Variants in CFAP69 observed in about 807,000 individuals in gnomAD.
The protein encoded by CFAP69 is cilia- and flagella-associated protein 69.
A neutral mutation model predicts 123.0 loss-of-function variants in CFAP69; 92 were observed. That is an observed-to-expected ratio of 0.75 (90% CI 0.63 to 0.89). The LOEUF (loss-of-function observed/expected upper bound fraction) is 0.89. Among genes scored for constraint, CFAP69 ranks in the 40% least tolerant of loss-of-function variants. The pLI is 0.00. For synonymous variants in CFAP69, 380 were observed against 364.3 expected (o/e 1.04, Z -0.49); for missense variants, 1,067 against 1,096.9 (o/e 0.97, Z 0.39).
chr7:90,252,209 G>C (rs996448163), intron 1 of CFAP69, among the ~76,000 whole-genome samples: 1 of 151,542 alleles, frequency 6.6e-6, no homozygotes, highest in Non-Finnish European at 1.5e-5. Flanking sequence ...GGTAGTGGTG[G>C]ATATCACTGC....
chr7:90,295,950 A>G (rs1231299378), intron 15 of CFAP69, among the ~76,000 whole-genome samples: 1 of 152,124 alleles, frequency 6.6e-6, no homozygotes, highest in East Asian at 1.9e-4. Context: ...TTTTGTCAGC[A>G]TCTTGGTTTT....
chr7:90,309,268 A>C lies in CFAP69; in HGVS notation c.2556A>C (p.Ala852=). ...TCTAATTTAAAAATCCTCAGAAAGC[A>C]AAAAGCCTTCAAGAAAAAGCTATAG... The part of the protein sequence containing the change: ...RTSNAKTLKK[A]KSLQEKAIEA... Residue 852 remains alanine, a synonymous_variant, in exon 22 of 23, where the codon GCA becomes GCC. Coordinates refer to ENST00000389297, the MANE Select transcript of CFAP69 (RefSeq NM_001039706.3). The C allele has an allele frequency of 6.7e-7, 1 of 1,502,912 alleles. No homozygotes were observed. The highest frequency in any genetic ancestry group is 1.3e-5 in the South Asian group (1 of 76,172). The allele number at this position is 1,502,912 out of a possible 1,614,324, so 93.1% of individuals were successfully genotyped here.
intron 12 of CFAP69, among the ~76,000 whole-genome samples, chr7:90,281,080 G>A (rs903935540): frequency 4.6e-5 from 7 of 152,160 alleles, no homozygotes; most frequent in African/African-American, 1.7e-4. Flanking sequence ...CTACTATCTG[G>A]TGAGCTTTAA....
At chr7:90,302,428 T>G (rs140032348) in intron 17 of CFAP69, 1 of 152,356 alleles carries the variant, frequency 6.6e-6, no homozygotes, top group East Asian at 1.9e-4. Flanking sequence ...CTGCCTAGGT[T>G]GTCTTCCAGG....
Position 90,265,302 on chromosome 7 carries a change from T to C in CFAP69, c.358T>C (p.Leu120=). The change falls in exon 5 of 23, where the codon TTG becomes CTG. Residue 120 remains leucine (L), a splice_region_variant and synonymous_variant. Coordinates refer to ENST00000389297, the MANE Select transcript of CFAP69 (RefSeq NM_001039706.3). The part of the protein sequence containing the change: ...SAYDIIKLCG[L]PFLKKKVSDE... ...TACAATTCTTCATTCTTATTGAAGC[T>C]TGCCATTTTTGAAAAAGAAAGTGTC... 7 of 1,604,308 alleles carry C rather than the reference T, an allele frequency of 4.4e-6. No individual in the cohort carries two copies. The highest frequency in any genetic ancestry group is 5.1e-6 in the Non-Finnish European group (6 of 1,172,258).
chr7:90,303,576 G>A (rs1250553605), intron 17 of CFAP69: 1 of 958,496 alleles, frequency 1.0e-6, no homozygotes, highest in East Asian at 1.2e-4. Flanking sequence ...TTGACCTATA[G>A]CATCATAAAA....
intron 2 of CFAP69, among the ~76,000 whole-genome samples, chr7:90,256,458 A>G (rs1281787195): frequency 6.6e-6 from 1 of 151,972 alleles, no homozygotes; most frequent in Non-Finnish European, 1.5e-5. Context: ...AGCAAACCAC[A>G]TGGCACGTGT....
intron 17 of CFAP69, 112 bp downstream of exon 17, chr7:90,300,171 T>G (rs1792576980): frequency 8.1e-7 from 1 of 1,234,544 alleles, no homozygotes; most frequent in Non-Finnish European, 1.0e-6. Flanking sequence ...AAAGTTTTTT[T>G]TTTTTTTTTA....
the CFAP69 span, chr7:90,319,804 A>T: frequency 2.5e-6 from 1 of 398,134 alleles, no homozygotes. Context: ...AAAGTTATTC[A>T]ATCACTTGAT....
chr7:90,304,642 G>A lies in CFAP69; in HGVS notation c.2189-102G>A, dbSNP rs1006376196. 1.3e-5 allele frequency: 18 copies of A among 1,382,642 alleles called. No homozygotes were observed. In the African/African-American group the frequency reaches 3.1e-4, roughly 24 times the overall value. The allele number at this position is 1,382,642 out of a possible 1,614,324, so 85.6% of individuals were successfully genotyped here. On this transcript the variant is annotated intron_variant, in intron 18 of 22. Coordinates refer to ENST00000389297, the MANE Select transcript of CFAP69 (RefSeq NM_001039706.3). ...GTAACTTTGCATTTGTTTTTAGATA[G>A]GTAGATAGATAGATAGATAGATAGA...
At chr7:90,300,298 AC>A in intron 17 of CFAP69, 2 of 831,030 alleles carry the variant, frequency 2.4e-6, no homozygotes, top group Non-Finnish European at 2.7e-6. Flanking sequence ...TATTCTTTTA[AC>A]TAAAAAAAAA....
chr7:90,270,892 G>T (rs1306952005), intron 6 of CFAP69, among the ~76,000 whole-genome samples: 2 of 152,012 alleles, frequency 1.3e-5, no homozygotes, highest in African/African-American at 2.4e-5. Flanking sequence ...ATGTCACCAA[G>T]AATCAAACTT....
chr7:90,255,546 A>G (rs991377379), intron 2 of CFAP69, 64 bp downstream of exon 2: 16 of 1,228,218 alleles, frequency 1.3e-5, no homozygotes, highest in Non-Finnish European at 1.9e-5. Context: ...CCTGAAAGGT[A>G]ACATATATTC....
At chr7:90,291,771 G>A (rs953394472) in intron 15 of CFAP69, among the ~76,000 whole-genome samples, 2 of 152,010 alleles carry the variant, frequency 1.3e-5, no homozygotes, top group Non-Finnish European at 2.9e-5. Flanking sequence ...GTATGTTGAG[G>A]GTCATTCATA....
chr7:90,253,740 T>G (rs1476392400), intron 1 of CFAP69, among the ~76,000 whole-genome samples: 2 of 152,196 alleles, frequency 1.3e-5, no homozygotes, highest in African/African-American at 4.8e-5. Flanking sequence ...TATTAATCCC[T>G]TGTCAGATGG....
At position 90,277,128 on chromosome 7, in the gene CFAP69, AG is replaced by A. The variant is rs1788732860; in HGVS notation, c.1033+8del. On this transcript the variant is annotated splice_region_variant and intron_variant, in intron 10 of 22. Coordinates refer to ENST00000389297, the MANE Select transcript of CFAP69 (RefSeq NM_001039706.3). The stretch of plus-strand genomic sequence containing the variant: ...TTTGCCACCTTTAATGAAGGTAAAA[AG>A]AATAAAACTTTAAACTTCTTATAAT... 1.3e-6 allele frequency: 2 copies of A among 1,577,830 alleles called. No homozygotes were observed. Among genetic ancestry groups the A allele is most frequent in the Non-Finnish European group, 1.7e-6 (2 of 1,161,970 alleles).
chr7:90,267,838 T>TGC (rs1168022826), intron 5 of CFAP69, among the ~76,000 whole-genome samples: 1 of 152,234 alleles, frequency 6.6e-6, no homozygotes. Flanking sequence ...ACTTACAACA[T>TGC]GCTAGATGCT....
At chr7:90,299,770 C>T in intron 16 of CFAP69, 97 bp from the exon 17 acceptor site, 5 of 1,015,294 alleles carry the variant, frequency 4.9e-6, no homozygotes, top group Non-Finnish European at 6.9e-6. Flanking sequence ...TTAGAAGAAA[C>T]TTAATGATAA....
intron 6 of CFAP69, 29 bp from the exon 7 acceptor site, chr7:90,271,497 G>T: frequency 6.3e-7 from 1 of 1,590,154 alleles, no homozygotes; most frequent in Non-Finnish European, 8.6e-7. Context: ...TGAGATAACT[G>T]TATGTATTTA....
Sources: gnomAD v4.1 joint callset for allele counts (sites outside exome capture counted in the v4.1 genomes callset) on GRCh38, gnomAD v4.1.1 for gene constraint, MANE v1.5 for transcripts, NCBI Gene and HGNC (gene_info 2026-07-23, HGNC 2026-07-21) for gene names.